Variants in KCNN2 observed in about 807,000 individuals in gnomAD.
KCNN2 encodes the protein potassium calcium-activated channel subfamily N member 2.
In KCNN2, 24 loss-of-function variants were observed where a neutral mutation model predicts 55.5. The ratio of observed to expected loss-of-function variants is 0.43; its 90% CI spans 0.31 to 0.61. KCNN2 has a LOEUF of 0.61. KCNN2 is among the 20% of genes least tolerant of loss of function. The probability of loss-of-function intolerance (pLI) is 0.08; values close to 1 mark genes in which losing one functional copy is unlikely to be tolerated. For synonymous variants in KCNN2, 431 were observed against 336.1 expected, an observed-to-expected ratio of 1.28 and a Z score of -3.09; for missense variants, 754 against 853.6, an observed-to-expected ratio of 0.88 and a Z score of 1.45.
At chr5:114,173,435 TG>T (rs1442573300) in intron 1 of KCNN2, among the ~76,000 whole-genome samples, 1 of 97,200 alleles carries the variant, frequency 1.0e-5, no homozygotes, top group African/African-American at 4.2e-5. Context: ...GTTTTTGTTT[TG>T]TTTGTGTGTG....
intron 1 of KCNN2, among the ~76,000 whole-genome samples, chr5:114,195,231 A>G (rs1359438894): frequency 6.6e-6 from 1 of 151,432 alleles, no homozygotes; most frequent in Non-Finnish European, 1.5e-5. Context: ...AAAAAAAGCC[A>G]GCTAGAATTT....
chr5:114,326,459 C>T (rs1249267247), intron 2 of KCNN2, among the ~76,000 whole-genome samples: 1 of 151,950 alleles, frequency 6.6e-6, no homozygotes, highest in Non-Finnish European at 1.5e-5. Flanking sequence ...GGCTTTTGTT[C>T]TATACCAACA....
At chr5:114,279,076 A>G (rs767850136) in intron 2 of KCNN2, among the ~76,000 whole-genome samples, 14 of 152,020 alleles carry the variant, frequency 9.2e-5, no homozygotes, top group Non-Finnish European at 1.8e-4. Flanking sequence ...TGGAATAATT[A>G]TAAATTATTA....
chr5:114,461,766 G>A (rs1421924705), intron 3 of KCNN2, among the ~76,000 whole-genome samples: 4 of 151,912 alleles, frequency 2.6e-5, no homozygotes, highest in Admixed American at 6.6e-5. Context: ...CCATGGTCCA[G>A]TGTAGGTTGC....
At chr5:114,150,166 A>T (rs1752491964) in intron 1 of KCNN2, among the ~76,000 whole-genome samples, 2 of 152,216 alleles carry the variant, frequency 1.3e-5, no homozygotes, top group Non-Finnish European at 2.9e-5. Context: ...CTTTGTATTT[A>T]CAATAATCAG....
At chr5:114,274,249 A>AG (rs55913856) in intron 2 of KCNN2, among the ~76,000 whole-genome samples, 4 of 151,176 alleles carry the variant, frequency 2.6e-5, no homozygotes. Context: ...GTAGCCTTGT[A>AG]TAGTTTGAAG....
At chr5:114,324,463 T>TG (rs1756677757) in intron 2 of KCNN2, among the ~76,000 whole-genome samples, 1 of 152,188 alleles carries the variant, frequency 6.6e-6, no homozygotes, top group South Asian at 2.1e-4. Context: ...GATGTCATCT[T>TG]GCAGGCTTTG....
chr5:114,306,634 G>A (rs897100962), intron 2 of KCNN2, among the ~76,000 whole-genome samples: 2 of 151,492 alleles, frequency 1.3e-5, no homozygotes, highest in Non-Finnish European at 2.9e-5. Context: ...TGATGGAAAT[G>A]TATTTAGGGC....
intron 2 of KCNN2, among the ~76,000 whole-genome samples, chr5:114,294,370 C>T (rs1755963308): frequency 6.6e-6 from 1 of 152,108 alleles, no homozygotes; most frequent in South Asian, 2.1e-4. Context: ...TTGAATGTGT[C>T]CCAGAGATTC....
In KCNN2 at chr5:114,407,335, C is replaced by A. The variant is rs562199140; in HGVS notation, c.1637+2479C>A. ...TTTTGCTCTATATATGGAAGATAACCTCAAATTTATCTTTCACACTTTCTA... is the reference window on the plus strand; with the variant it reads ...TTTTGCTCTATATATGGAAGATAACATCAAATTTATCTTTCACACTTTCTA... On this transcript the variant is annotated intron_variant, in intron 3 of 7. Transcript: ENST00000673685. Among the ~76,000 whole-genome samples, 391 of 152,008 alleles carry A rather than the reference C, an allele frequency of 2.6e-3. 2 individuals are homozygous for A. The highest frequency in any genetic ancestry group is 4.0e-3 in the Non-Finnish European group (274 of 67,974).
At chr5:114,132,089 A>C (rs1391405867) in intron 1 of KCNN2, among the ~76,000 whole-genome samples, 1 of 151,846 alleles carries the variant, frequency 6.6e-6, no homozygotes, top group Non-Finnish European at 1.5e-5. Flanking sequence ...TTGTCTGTTC[A>C]CTCTGATAAT....
At chr5:114,453,158 C>G (rs1007056234) in intron 3 of KCNN2, among the ~76,000 whole-genome samples, 22 of 152,196 alleles carry the variant, frequency 1.4e-4, no homozygotes, top group African/African-American at 5.3e-4. Flanking sequence ...TACCCTCACA[C>G]TGAGGGAGTC....
intron 2 of KCNN2, among the ~76,000 whole-genome samples, chr5:114,295,103 G>A (rs1399964114): frequency 6.6e-6 from 1 of 152,214 alleles, no homozygotes; most frequent in Non-Finnish European, 1.5e-5. Context: ...TGAGGTGTCA[G>A]TGTGCCCCTA....
At chr5:114,276,986 T>G (rs1431659414) in intron 2 of KCNN2, among the ~76,000 whole-genome samples, 3 of 152,198 alleles carry the variant, frequency 2.0e-5, no homozygotes, top group African/African-American at 7.2e-5. Context: ...GGTTGTTCCT[T>G]TCCATGTTTA....
chr5:114,436,468 TCA>T (rs1760007820), intron 3 of KCNN2, among the ~76,000 whole-genome samples: 1 of 152,190 alleles, frequency 6.6e-6, no homozygotes, highest in African/African-American at 2.4e-5. Flanking sequence ...TACTTGTATG[TCA>T]TTTGATCAGA....
intron 3 of KCNN2, among the ~76,000 whole-genome samples, chr5:114,433,278 A>G (rs1283727715): frequency 6.6e-6 from 1 of 152,144 alleles, no homozygotes; most frequent in Non-Finnish European, 1.5e-5. Context: ...GGGTTTGTGA[A>G]TGCACCAATC....
chr5:114,382,842 G>A (rs1238867665), intron 2 of KCNN2, among the ~76,000 whole-genome samples: 1 of 152,214 alleles, frequency 6.6e-6, no homozygotes, highest in South Asian at 2.1e-4. Flanking sequence ...AGTTAAATCC[G>A]AGTGATTGGG....
At chr5:114,417,573 G>A (rs1328821399) in intron 3 of KCNN2, among the ~76,000 whole-genome samples, 1 of 152,098 alleles carries the variant, frequency 6.6e-6, no homozygotes, top group East Asian at 1.9e-4. Flanking sequence ...GCCCTACCAA[G>A]GTCACTGGCA....
intron 2 of KCNN2, among the ~76,000 whole-genome samples, chr5:114,326,907 T>C (rs1029807817): frequency 6.6e-6 from 1 of 152,156 alleles, no homozygotes; most frequent in Non-Finnish European, 1.5e-5. Context: ...ATAGAGAAGA[T>C]ACTGTTTAAA....
Sources: allele counts gnomAD v4.1 joint callset (sites outside exome capture counted in the v4.1 genomes callset), GRCh38; gene constraint gnomAD v4.1.1; transcripts MANE v1.5; gene names NCBI Gene and HGNC (gene_info 2026-07-23, HGNC 2026-07-21).